Variants in SMARCD3 observed in about 807,000 individuals in gnomAD.
The protein encoded by SMARCD3 is SWI/SNF related BAF chromatin remodeling complex subunit D3.
SMARCD3 carries 14 observed loss-of-function variants against 58.0 expected under a neutral mutation model. The observed-to-expected ratio is 0.24, with a 90% CI of 0.16 to 0.38. The LOEUF is 0.38. Among genes scored for constraint, SMARCD3 ranks in the 10% least tolerant of loss-of-function variants. The pLI is 1.00. For missense variants in SMARCD3, 408 were observed against 636.9 expected (o/e 0.64, Z 3.87); for synonymous variants, 253 against 253.8 (o/e 1.00, Z 0.03).
Position 151,248,206 on chromosome 7 carries a change from C to T in SMARCD3, c.78+279G>A, listed in dbSNP as rs868848755. ...TCAACCTGTCGGCTACAGCGAGGACCCCCTACTTGGGGGGTAGAGTCCCCA... is the reference window on the plus strand; with the variant it reads ...TCAACCTGTCGGCTACAGCGAGGACTCCCTACTTGGGGGGTAGAGTCCCCA... On this transcript the variant is annotated intron_variant, in intron 1 of 12. Transcript: ENST00000262188. This position sits in a 1 kb window ranked among gnomAD's most constrained non-coding sequence, Gnocchi z 6.1. 2.0e-4 allele frequency among the ~76,000 whole-genome samples: 30 copies of T among 152,122 alleles called. No homozygotes were observed. Among genetic ancestry groups the T allele is most frequent in the Middle Eastern group, 3.4e-3 (1 of 294 alleles).
chr7:151,245,924 G>A lies in SMARCD3; in HGVS notation c.79-253C>T, dbSNP rs1803238739. 1 of 362,066 alleles carries A rather than the reference G, an allele frequency of 2.8e-6. No individual in the cohort carries two copies. Among genetic ancestry groups the A allele is most frequent in the Non-Finnish European group, 4.9e-6 (1 of 203,044 alleles). 22.4% of individuals were successfully genotyped at this position (362,066 alleles called of 1,614,324 possible). Reference sequence around the variant, plus strand: ...CCAGGCACCGCACAGGGCATTGCGAGCCTCGGGGCTGCGGAAGGTACCGCA... The same window carrying A: ...CCAGGCACCGCACAGGGCATTGCGAACCTCGGGGCTGCGGAAGGTACCGCA... On this transcript the variant is annotated intron_variant, in intron 1 of 12. Transcript: ENST00000262188. This position sits in a 1 kb window ranked among gnomAD's most constrained non-coding sequence, Gnocchi z 6.2.
chr7:151,247,183 G>A (rs1803307755), intron 1 of SMARCD3, among the ~76,000 whole-genome samples: 1 of 152,080 alleles, frequency 6.6e-6, no homozygotes, highest in South Asian at 2.1e-4. Flanking sequence ...AGCTAGGTGG[G>A]GCACTGGGGC....
At chr7:151,275,884 A>G (rs1795324377) in intron 1 of SMARCD3, among the ~76,000 whole-genome samples, 1 of 151,990 alleles carries the variant, frequency 6.6e-6, no homozygotes, top group Non-Finnish European at 1.5e-5. Flanking sequence ...CTAAGAAGAG[A>G]GCAGTGCTGT....
chr7:151,246,594 C>T lies in SMARCD3; in HGVS notation c.79-923G>A, dbSNP rs1803278600. Among the ~76,000 whole-genome samples the T allele has an allele frequency of 6.6e-6, 1 of 152,202 alleles. No homozygotes were observed. The highest frequency in any genetic ancestry group is 1.5e-5 in the Non-Finnish European group (1 of 68,034). On this transcript the variant is annotated intron_variant, in intron 1 of 12. Coordinates refer to ENST00000262188, the MANE Select transcript of SMARCD3 (RefSeq NM_001003801.2). The surrounding 1 kb of genome is among the most constrained non-coding windows in gnomAD (Gnocchi z 4.4). Reference sequence around the variant, plus strand: ...CCTGTCTGCCCAGGTCAGCAGCCACCTCCTCCTCTTCCCATCCCCACCCCA... The same window carrying T: ...CCTGTCTGCCCAGGTCAGCAGCCACTTCCTCCTCTTCCCATCCCCACCCCA...
upstream of SMARCD3, among the ~76,000 whole-genome samples, chr7:151,249,640 G>T (rs1803444790): frequency 1.4e-5 from 2 of 138,752 alleles, no homozygotes; most frequent in South Asian, 4.7e-4. This position sits in a 1 kb window ranked among gnomAD's most constrained non-coding sequence, Gnocchi z 4.8. Context: ...GCTGGGCTTG[G>T]TTTCCTTGGG....
chr7:151,251,767 C>T (rs1803520141), upstream of SMARCD3, among the ~76,000 whole-genome samples: 1 of 151,852 alleles, frequency 6.6e-6, no homozygotes, highest in South Asian at 2.1e-4. Flanking sequence ...CCCCATCGCT[C>T]CTTCCCTCGC....
intron 2 of SMARCD3, among the ~76,000 whole-genome samples, chr7:151,256,819 C>T (rs1803715098): frequency 6.6e-6 from 1 of 152,118 alleles, no homozygotes; most frequent in Non-Finnish European, 1.5e-5. Context: ...CCCACCACAC[C>T]CTCTGCCTGC....
chr7:151,244,477 C>T (rs1309628028), intron 2 of SMARCD3, among the ~76,000 whole-genome samples: 3 of 152,174 alleles, frequency 2.0e-5, no homozygotes, highest in African/African-American at 4.8e-5. Flanking sequence ...AGAATAGCTC[C>T]ATACTGCCCC....
chr7:151,248,411 G>A lies in SMARCD3; in HGVS notation c.78+74C>T. Reference sequence around the variant, plus strand: ...GTGGGAGAGCGGGAGCGCCCTCCCGGCCCCTCCCGATCAGCCCTCCATTCA... The same window carrying A: ...GTGGGAGAGCGGGAGCGCCCTCCCGACCCCTCCCGATCAGCCCTCCATTCA... On this transcript the variant is annotated intron_variant, in intron 1 of 12. Coordinates refer to ENST00000262188, the MANE Select transcript of SMARCD3 (RefSeq NM_001003801.2). The surrounding 1 kb of genome is among the most constrained non-coding windows in gnomAD (Gnocchi z 6.1). 6.9e-6 allele frequency: 9 copies of A among 1,312,228 alleles called. No homozygotes were observed. The highest frequency in any genetic ancestry group is 9.8e-6 in the Non-Finnish European group (9 of 916,636). 81.3% of individuals were successfully genotyped at this position (1,312,228 alleles called of 1,614,324 possible). A position where few individuals can be genotyped will look rare whatever the true frequency, so the allele number is the denominator to read the frequency against.
chr7:151,255,639 G>A (rs561551343), intron 2 of SMARCD3, among the ~76,000 whole-genome samples: 7 of 152,046 alleles, frequency 4.6e-5, no homozygotes, highest in African/African-American at 1.4e-4. Context: ...TGCAGCAACC[G>A]CAGCCCCCCA....
chr7:151,259,601 G>GTTTTTTTGT (rs1563682311), intron 2 of SMARCD3, among the ~76,000 whole-genome samples: 6 of 70,526 alleles, frequency 8.5e-5, no homozygotes, highest in African/African-American at 1.2e-4. Flanking sequence ...CAACCTGAGA[G>GTTTTTTTGT]TTTTTTTTTT....
intron 2 of SMARCD3, among the ~76,000 whole-genome samples, chr7:151,262,650 C>T (rs1186661223): frequency 1.3e-5 from 2 of 152,218 alleles, no homozygotes; most frequent in Non-Finnish European, 2.9e-5. Context: ...GGCTTTGTGC[C>T]AGGTGTGTCC....
intron 2 of SMARCD3, among the ~76,000 whole-genome samples, chr7:151,260,675 C>T (rs961363609): frequency 6.6e-6 from 1 of 152,106 alleles, no homozygotes; most frequent in Non-Finnish European, 1.5e-5. Context: ...GTCGTTACCC[C>T]GACATAGCCA....
chr7:151,243,563 G>A lies in SMARCD3; in HGVS notation c.333+96C>T. 1.3e-6 allele frequency: 1 copy of A among 751,574 alleles called. No individual in the cohort carries two copies. 46.6% of individuals were successfully genotyped at this position (751,574 alleles called of 1,614,324 possible). ...GCTTTTTTAAACAAAAAGTGAAAGT[G>A]ACTGTGATGCTGAAGCTCTGCTTCT... On this transcript the variant is annotated intron_variant, in intron 3 of 12. Transcript: ENST00000262188. The surrounding 1 kb of genome is among the most constrained non-coding windows in gnomAD (Gnocchi z 4.4).
At chr7:151,251,889 G>A (rs1163520847), upstream of SMARCD3, among the ~76,000 whole-genome samples, 15 of 147,316 alleles carry the variant, frequency 1.0e-4, no homozygotes, top group Admixed American at 1.0e-3. Context: ...CCGAGCGAGC[G>A]GGCGGCGGCC....
At chr7:151,261,408 G>A (rs1225728441) in intron 2 of SMARCD3, among the ~76,000 whole-genome samples, 1 of 152,122 alleles carries the variant, frequency 6.6e-6, no homozygotes, top group Non-Finnish European at 1.5e-5. Context: ...ATTGGTTCTG[G>A]GTTCAAACCC....
chr7:151,242,915 G>T lies in SMARCD3; in HGVS notation c.334-72C>A. ...TTGTACCATGGAATGTATGCATGTT[G>T]TGCAATCCTAGGGTACAAAAGATGT... On this transcript the variant is annotated intron_variant, in intron 3 of 12. Transcript: ENST00000262188. This position sits in a 1 kb window ranked among gnomAD's most constrained non-coding sequence, Gnocchi z 4.7. The T allele has an allele frequency of 6.4e-7, 1 of 1,570,654 alleles. No homozygotes were observed. The highest frequency in any genetic ancestry group is 8.7e-7 in the Non-Finnish European group (1 of 1,155,180).
chr7:151,276,467 C>T (rs1204697371), intron 1 of SMARCD3, among the ~76,000 whole-genome samples: 1 of 113,518 alleles, frequency 8.8e-6, no homozygotes, highest in Non-Finnish European at 1.8e-5. Context: ...GGGTGCCAGA[C>T]GAGGGAAGGA....
upstream of SMARCD3, among the ~76,000 whole-genome samples, chr7:151,253,339 G>A (rs1423282458): frequency 6.6e-6 from 1 of 152,122 alleles, no homozygotes. Flanking sequence ...TCTCTGGGTG[G>A]CTCTGCCCCT....
Sources: allele counts gnomAD v4.1 joint callset (sites outside exome capture counted in the v4.1 genomes callset), GRCh38; gene constraint gnomAD v4.1.1; non-coding constraint Gnocchi (gnomAD v3.1); transcripts MANE v1.5; gene names NCBI Gene and HGNC (gene_info 2026-07-23, HGNC 2026-07-21).